Variants in FAT3 observed in about 807,000 individuals in gnomAD.
FAT3 encodes the protein FAT atypical cadherin 3, also known as protocadherin Fat 3.
In FAT3, 95 loss-of-function variants were observed where a neutral mutation model predicts 310.2. The observed-to-expected ratio is 0.31, with a 90% CI of 0.26 to 0.36. The LOEUF is 0.36. Ranked by LOEUF, FAT3 falls within the 10% of genes least tolerant of loss-of-function variation. FAT3 has a pLI of 1.00. For synonymous variants in FAT3, 2,314 were observed against 2,192.9 expected, an observed-to-expected ratio of 1.06 and a Z score of -1.54; for missense variants, 5,408 against 5,715.6, an observed-to-expected ratio of 0.95 and a Z score of 1.74.
rs559795990 is a variant in FAT3 at position 92,850,862 on chromosome 11, ATCACCCTTCT to A, written c.11365+6131_11365+6140del. On this transcript the variant is annotated intron_variant, in intron 19 of 27. Transcript: ENST00000525166. ...CGAAACCTTATAAAACTTCCAGAGG[ATCACCCTTCT>A]CCTCCCTGCATGTTCCAAAGCTTTG... is the stretch of plus-strand genomic sequence containing the variant. 2.6e-4 allele frequency among the ~76,000 whole-genome samples: 39 copies of A among 152,246 alleles called. No individual in the cohort carries two copies. In the East Asian group the frequency reaches 5.6e-3, roughly 22 times the overall value.
intron 19 of FAT3, among the ~76,000 whole-genome samples, chr11:92,847,683 C>G (rs1196019780): frequency 2.0e-5 from 3 of 152,122 alleles, no homozygotes; most frequent in Non-Finnish European, 4.4e-5. Context: ...TCTAATGTTA[C>G]TGGTCAGGAA....
chr11:92,884,708 A>G (rs1949760216), intron 24 of FAT3, among the ~76,000 whole-genome samples: 1 of 152,198 alleles, frequency 6.6e-6, no homozygotes, highest in African/African-American at 2.4e-5. Context: ...ATGCCCTCCC[A>G]GGAACAGGAA....
chr11:92,551,414 T>TTGTGTGTGTGTGTGTGTGTGTGTGTGTG (rs71473973), intron 3 of FAT3, among the ~76,000 whole-genome samples: 1 of 128,876 alleles, frequency 7.8e-6, no homozygotes, highest in African/African-American at 2.9e-5. Flanking sequence ...TTTTTTTGTT[T>TTGTGTGTGTGTGTGTGTGTGTGTGTGTG]TGTGTGTGTG....
intron 2 of FAT3, among the ~76,000 whole-genome samples, chr11:92,418,099 T>G (rs1950454727): frequency 1.3e-5 from 2 of 152,188 alleles, no homozygotes; most frequent in African/African-American, 4.8e-5. Context: ...TTGATCAAAA[T>G]GAGTTTTTGT....
intron 3 of FAT3, among the ~76,000 whole-genome samples, chr11:92,635,880 G>T (rs1411574133): frequency 6.6e-6 from 1 of 152,176 alleles, no homozygotes. Context: ...ACTATATTGG[G>T]TCATTGGGTG....
At chr11:92,846,988 G>T (rs186820002) in intron 19 of FAT3, among the ~76,000 whole-genome samples, 1 of 152,328 alleles carries the variant, frequency 6.6e-6, no homozygotes, top group East Asian at 1.9e-4. Context: ...GTAGCTTTGT[G>T]CCTTGCCCAG....
Position 92,798,270 on chromosome 11 carries a change from G to A in FAT3, c.5257G>A (p.Ala1753Thr), listed in dbSNP as rs1222176811. ...CAATATGGCAGGAATGGCTTCCAAT[G>A]CTACAGTCAATATTCAGATTGTTGA... ...ATNMAGMASN[A>T]TVNIQIVDEN... is the part of the protein sequence containing the mutation. The change falls in exon 10 of 28, where the codon GCT becomes ACT. Residue 1753 changes from alanine (A) to threonine (T), a missense_variant. Ala to Thr is a moderately conservative substitution (Grantham distance 58). Transcript: ENST00000525166. The A allele has an allele frequency of 6.2e-7, 1 of 1,613,856 alleles. No homozygotes were observed. The highest frequency in any genetic ancestry group is 2.2e-5 in the East Asian group (1 of 44,858).
intron 9 of FAT3, among the ~76,000 whole-genome samples, 155 bp downstream of exon 9, chr11:92,793,132 G>A (rs1352120627): frequency 6.6e-6 from 1 of 152,096 alleles, no homozygotes; most frequent in Non-Finnish European, 1.5e-5. Context: ...AGATGATGGT[G>A]GATAACGTTC....
intron 3 of FAT3, among the ~76,000 whole-genome samples, chr11:92,693,088 C>T (rs1943841691): frequency 6.6e-6 from 1 of 152,110 alleles, no homozygotes; most frequent in South Asian, 2.1e-4. Flanking sequence ...TAGATTCTTC[C>T]ATCTCCATAA....
chr11:92,255,581 G>A (rs569404085), intron 1 of FAT3, among the ~76,000 whole-genome samples: 2 of 152,068 alleles, frequency 1.3e-5, no homozygotes, highest in Non-Finnish European at 1.5e-5. Flanking sequence ...TATTAAGGAG[G>A]CATTCTAATA....
At chr11:92,593,986 A>C (rs1465923723) in intron 3 of FAT3, among the ~76,000 whole-genome samples, 1 of 152,178 alleles carries the variant, frequency 6.6e-6, no homozygotes, top group Non-Finnish European at 1.5e-5. Flanking sequence ...AAACATGAGA[A>C]GCAAGGACCC....
intron 3 of FAT3, among the ~76,000 whole-genome samples, chr11:92,644,144 T>C (rs546236569): frequency 1.3e-5 from 2 of 152,340 alleles, no homozygotes; most frequent in African/African-American, 2.4e-5. Flanking sequence ...GCCATCCTTT[T>C]GTCAGGCAGG....
chr11:92,831,638 C>T lies in FAT3; in HGVS notation c.9498C>T (p.Val3166=), dbSNP rs141561501. Residue 3166 remains valine, a synonymous_variant, in exon 14 of 28, where the codon GTC becomes GTT. Coordinates refer to ENST00000525166, the MANE Select transcript of FAT3 (RefSeq NM_001367949.2). ...CTCCCACAGGCATCAATAGGAAGGT[C>T]GTGTACTCCCTGGCAGACTCAGCTG... ...VDPDIGINRK[V]VYSLADSAGG... 51 of 1,612,064 alleles carry T rather than the reference C, an allele frequency of 3.2e-5. No individual in the cohort carries two copies. The East Asian group carries it at 9.6e-4, about 30-fold the overall frequency.
chr11:92,302,970 T>C (rs1044276834), intron 1 of FAT3, among the ~76,000 whole-genome samples: 1 of 152,000 alleles, frequency 6.6e-6, no homozygotes, highest in Non-Finnish European at 1.5e-5. Flanking sequence ...TGTGGAAAAA[T>C]AGGTTGGTAG....
intron 1 of FAT3, among the ~76,000 whole-genome samples, chr11:92,303,606 G>A (rs1207517508): frequency 6.6e-6 from 1 of 152,106 alleles, no homozygotes; most frequent in African/African-American, 2.4e-5. Flanking sequence ...GAGTCTAGAA[G>A]GTCTTTGAGA....
chr11:92,652,116 A>G (rs1326849356), intron 3 of FAT3, among the ~76,000 whole-genome samples: 1 of 152,106 alleles, frequency 6.6e-6, no homozygotes, highest in African/African-American at 2.4e-5. Flanking sequence ...TATGTCTTTT[A>G]TATACATATT....
Position 92,273,997 on chromosome 11 carries a change from G to A in FAT3, c.-18+48823G>A, listed in dbSNP as rs149530074. On this transcript the variant is annotated intron_variant, in intron 1 of 27. Coordinates refer to ENST00000525166, the MANE Select transcript of FAT3 (RefSeq NM_001367949.2). The stretch of plus-strand genomic sequence containing the variant: ...GGCTTAACACATTGGTTTTTATAGC[G>A]CATAATGAAATGTCTGCTGTTACCA... Among the ~76,000 whole-genome samples, 42 of 152,134 alleles carry A rather than the reference G, an allele frequency of 2.8e-4. No individual in the cohort carries two copies. In the East Asian group the frequency reaches 7.8e-3, roughly 28 times the overall value.
rs113998925 is a variant in FAT3, at chr11:92,585,274, A to G, written c.3607+60326A>G. 9.5e-3 allele frequency among the ~76,000 whole-genome samples: 1,450 copies of G among 152,112 alleles called. 28 individuals carry two copies. The highest frequency in any genetic ancestry group is 0.031 in the African/African-American group (1,282 of 41,520). ...TTGGTGACTATCAATTTAATTTTAC[A>G]CTTTCTGTAGTTTGTATTATCAACA... On this transcript the variant is annotated intron_variant, in intron 3 of 27. Coordinates refer to ENST00000525166, the MANE Select transcript of FAT3 (RefSeq NM_001367949.2).
At chr11:92,430,889 T>C (rs1950753016) in intron 2 of FAT3, among the ~76,000 whole-genome samples, 1 of 152,190 alleles carries the variant, frequency 6.6e-6, no homozygotes, top group Non-Finnish European at 1.5e-5. Flanking sequence ...ATGTGCCACA[T>C]TTTCTTAATC....
Sources: allele counts gnomAD v4.1 joint callset (sites outside exome capture counted in the v4.1 genomes callset), GRCh38; gene constraint gnomAD v4.1.1; transcripts MANE v1.5; gene names NCBI Gene and HGNC (gene_info 2026-07-23, HGNC 2026-07-21).